TPO: variants seen among roughly 807,000 people sequenced by gnomAD.
The protein encoded by TPO is thyroid microsomal antigen.
A neutral mutation model predicts 96.9 loss-of-function variants in TPO; 78 were observed. That is an observed-to-expected ratio of 0.81 (90% confidence interval 0.67 to 0.97). TPO has a LOEUF of 0.97. Ranked by LOEUF, TPO falls within the 50% of genes least tolerant of loss-of-function variation. The probability of loss-of-function intolerance (pLI) is 0.00; values close to 1 mark genes in which losing one functional copy is unlikely to be tolerated. For missense variants in TPO, 1,252 were observed against 1,274.8 expected (o/e 0.98, Z 0.27); for synonymous variants, 547 against 538.0 (o/e 1.02, Z -0.23).
At chr2:1,529,879 A>G (rs1318728795) in intron 15 of TPO, among the ~76,000 whole-genome samples, 2 of 112,186 alleles carry the variant, frequency 1.8e-5, no homozygotes, top group African/African-American at 7.4e-5. Context: ...ACTGTGTGCA[A>G]CCTCCTCAAA....
chr2:1,491,710 G>A (rs1031109197), intron 10 of TPO, among the ~76,000 whole-genome samples: 2 of 152,232 alleles, frequency 1.3e-5, no homozygotes, highest in African/African-American at 4.8e-5. Flanking sequence ...TATTCCTGGA[G>A]CTGAGAAATT....
At position 1,496,583 on chromosome 2, in the gene TPO, C is replaced by T; in HGVS notation, c.2216-12C>T. The T allele has an allele frequency of 3.1e-6, 5 of 1,613,694 alleles. No homozygotes were observed. Among genetic ancestry groups the T allele is most frequent in the Non-Finnish European group, 4.2e-6 (5 of 1,180,016 alleles). ...TAGTTTGACTACATGTCAACCTGTC[C>T]ACATTTCATAGACGACAAGTGTGGC... On this transcript the variant is annotated splice_polypyrimidine_tract_variant and intron_variant, in intron 12 of 16. Transcript: ENST00000329066.
chr2:1,454,173 C>G (rs1308243439), intron 6 of TPO, among the ~76,000 whole-genome samples: 2 of 151,848 alleles, frequency 1.3e-5, no homozygotes, highest in African/African-American at 2.4e-5. Context: ...CAGCAATCCA[C>G]TTGTTGATGT....
chr2:1,462,259 A>G (rs1445600255), intron 7 of TPO, among the ~76,000 whole-genome samples: 4 of 152,078 alleles, frequency 2.6e-5, no homozygotes, highest in Non-Finnish European at 4.4e-5. Context: ...GGGAGCCTGC[A>G]GGGCTTGTTC....
Position 1,477,526 on chromosome 2 carries a change from G to T in TPO, c.1260G>T (p.Ala420=). The part of the protein sequence containing the change: ...WLREHNRLAA[A]LKALNAHWSA... ...GCGAGCACAACCGCCTGGCCGCGGCGCTCAAGGCCCTCAATGCGCACTGGA... is the reference window on the plus strand; with the variant it reads ...GCGAGCACAACCGCCTGGCCGCGGCTCTCAAGGCCCTCAATGCGCACTGGA... Residue 420 remains alanine (A), a synonymous_variant, in exon 8 of 17, where the codon GCG becomes GCT. Transcript: ENST00000329066. 1 of 1,533,716 alleles carries T rather than the reference G, an allele frequency of 6.5e-7. No homozygotes were observed. The highest frequency in any genetic ancestry group is 2.5e-5 in the East Asian group (1 of 40,800).
chr2:1,383,414 C>T (rs1360385632), intron 1 of TPO, among the ~76,000 whole-genome samples: 1 of 152,148 alleles, frequency 6.6e-6, no homozygotes, highest in Non-Finnish European at 1.5e-5. Context: ...TAATGATCGC[C>T]ATTTTAACTG....
chr2:1,507,271 G>C (rs185256953), intron 14 of TPO, among the ~76,000 whole-genome samples: 92,062 of 152,002 alleles, frequency 0.61, 28,095 homozygotes, highest in African/African-American at 0.7. Flanking sequence ...GTACCATGCT[G>C]TTTTGGTTAC....
At chr2:1,386,725 T>G (rs1468561801) in intron 1 of TPO, among the ~76,000 whole-genome samples, 2 of 152,164 alleles carry the variant, frequency 1.3e-5, no homozygotes, top group African/African-American at 4.8e-5. Context: ...AAGGTTAATT[T>G]TGTTATGTGT....
intron 14 of TPO, among the ~76,000 whole-genome samples, chr2:1,509,185 GT>G (rs1673802013): frequency 6.6e-6 from 1 of 152,196 alleles, no homozygotes; most frequent in Non-Finnish European, 1.5e-5. Flanking sequence ...TTTCCATGTA[GT>G]TGAGCGGTTT....
rs2276701 is a variant in TPO, at chr2:1,423,015, G to T, written c.95-30G>T. 8.7e-6 allele frequency: 14 copies of T among 1,607,950 alleles called. No individual in the cohort carries two copies. In the African/African-American group the frequency reaches 1.7e-4, roughly 20 times the overall value. ...CAGTGAATCGCTGAACTGTCATTGC[G>T]CTTTGACTGTGTGACATTCTGTTCC... On this transcript the variant is annotated intron_variant, in intron 2 of 16. Transcript: ENST00000329066.
At chr2:1,441,869 C>T (rs1666226915) in intron 5 of TPO, among the ~76,000 whole-genome samples, 1 of 152,178 alleles carries the variant, frequency 6.6e-6, no homozygotes. Flanking sequence ...TCAAGTGCTC[C>T]ATGGCGGGAT....
chr2:1,528,274 C>A (rs1312527719), intron 15 of TPO, among the ~76,000 whole-genome samples: 3 of 125,468 alleles, frequency 2.4e-5, no homozygotes, highest in South Asian at 5.4e-4. Context: ...CCCAAATCTC[C>A]CCCACAGTGA....
intron 10 of TPO, among the ~76,000 whole-genome samples, chr2:1,493,307 C>G (rs1274948614): frequency 2.0e-5 from 3 of 150,994 alleles, no homozygotes; most frequent in Non-Finnish European, 4.4e-5. Context: ...CCTGTAGAGG[C>G]AAGAACTAAG....
rs114027663 is a variant in TPO, at chr2:1,450,847, C to G, written c.483-2847C>G. Among the ~76,000 whole-genome samples, 868 of 152,294 alleles carry G rather than the reference C, an allele frequency of 5.7e-3. 15 individuals are homozygous for G. The highest frequency in any genetic ancestry group is 0.019 in the African/African-American group (803 of 41,550). ...ATACTTTATGGAATTTCAATAAAGA[C>G]AAACCAACCATAACGAATCTGAACA... On this transcript the variant is annotated intron_variant, in intron 5 of 16. Transcript: ENST00000329066.
At chr2:1,425,216 C>G (rs1207333309) in intron 3 of TPO, among the ~76,000 whole-genome samples, 1 of 150,562 alleles carries the variant, frequency 6.6e-6, no homozygotes, top group Non-Finnish European at 1.5e-5. Flanking sequence ...GTTCTAGATG[C>G]CAGGATACAG....
intron 7 of TPO, among the ~76,000 whole-genome samples, chr2:1,476,848 G>T (rs1434000784): frequency 6.6e-6 from 1 of 150,476 alleles, no homozygotes; most frequent in Non-Finnish European, 1.5e-5. Context: ...CGGTGAGCAG[G>T]CCAGGGGGGA....
At chr2:1,479,617 G>T (rs1367094476) in intron 8 of TPO, among the ~76,000 whole-genome samples, 1 of 152,120 alleles carries the variant, frequency 6.6e-6, no homozygotes, top group African/African-American at 2.4e-5. Context: ...TTATTTAGAG[G>T]CGTGAATTAT....
chr2:1,540,523 G>C, intron 15 of TPO, 71 bp from the exon 16 acceptor site: 1 of 1,603,524 alleles, frequency 6.2e-7, no homozygotes, highest in Middle Eastern at 1.9e-4. Flanking sequence ...CGTCGCTCGT[G>C]CCGTGCTCTC....
intron 13 of TPO, among the ~76,000 whole-genome samples, chr2:1,501,079 A>T (rs1672828943): frequency 6.6e-6 from 1 of 152,138 alleles, no homozygotes; most frequent in South Asian, 2.1e-4. Flanking sequence ...GGCTTTTTCC[A>T]TGAGTTATTG....
Sources: gnomAD v4.1 joint callset for allele counts (sites outside exome capture counted in the v4.1 genomes callset) on GRCh38, gnomAD v4.1.1 for gene constraint, MANE v1.5 for transcripts, NCBI Gene and HGNC (gene_info 2026-07-23, HGNC 2026-07-21) for gene names.